Variants in IL15 observed in about 807,000 individuals in gnomAD.
The protein encoded by IL15 is interleukin 15, also known as interleukin-15.
IL15 carries 11 observed loss-of-function variants against 19.6 expected under a neutral mutation model. The ratio of observed to expected loss-of-function variants is 0.56; its 90% CI spans 0.35 to 0.93. The LOEUF (loss-of-function observed/expected upper bound fraction) is 0.93, where lower values mean the gene tolerates loss of function less well. Among genes scored for constraint, IL15 ranks in the 40% least tolerant of loss-of-function variants. The pLI is 0.01. For synonymous variants in IL15, 58 were observed against 59.6 expected (o/e 0.97, Z 0.12); for missense variants, 197 against 186.5 (o/e 1.06, Z -0.33).
At chr4:141,637,533 G>T (rs922055279) in intron 1 of IL15, among the ~76,000 whole-genome samples, 1 of 151,970 alleles carries the variant, frequency 6.6e-6, no homozygotes, top group Non-Finnish European at 1.5e-5. Flanking sequence ...CATTATTCAA[G>T]GTGGCTTTTA....
intron 2 of IL15, among the ~76,000 whole-genome samples, chr4:141,666,317 G>A (rs1579002076): frequency 6.6e-6 from 1 of 151,894 alleles, no homozygotes; most frequent in Admixed American, 6.6e-5. Flanking sequence ...CGAGGCGGTC[G>A]GATCACGAGG....
chr4:141,699,714 T>C (rs1178050672), intron 2 of IL15, among the ~76,000 whole-genome samples: 1 of 152,136 alleles, frequency 6.6e-6, no homozygotes, highest in African/African-American at 2.4e-5. Flanking sequence ...TTTATTTGAG[T>C]CCTTATGTGT....
chr4:141,704,002 CAAACTGGGACAATTT>C (rs1254101440), intron 2 of IL15, among the ~76,000 whole-genome samples: 6 of 152,166 alleles, frequency 3.9e-5, no homozygotes, highest in Non-Finnish European at 7.4e-5. Context: ...TTATCATCTG[CAAACTGGGACAATTT>C]GACTTCCTCC....
intron 4 of IL15, 136 bp downstream of exon 4, chr4:141,720,702 A>G: frequency 3.0e-6 from 2 of 671,652 alleles, no homozygotes; most frequent in South Asian, 1.7e-5. Context: ...GATAGAAGGC[A>G]GACTACAGAG....
chr4:141,708,415 T>C (rs1430207823), intron 2 of IL15, among the ~76,000 whole-genome samples: 2 of 152,162 alleles, frequency 1.3e-5, no homozygotes, highest in African/African-American at 4.8e-5. Context: ...CATTGAGCTC[T>C]ATCATCTTAG....
At chr4:141,670,477 G>GTTT (rs1325325010) in intron 2 of IL15, among the ~76,000 whole-genome samples, 1 of 152,128 alleles carries the variant, frequency 6.6e-6, no homozygotes, top group Non-Finnish European at 1.5e-5. Flanking sequence ...ACAAACTGAA[G>GTTT]AAGTCTCTTA....
intron 2 of IL15, chr4:141,704,747 T>C (rs1227253344): frequency 5.9e-6 from 1 of 168,864 alleles, no homozygotes; most frequent in Non-Finnish European, 1.2e-5. Flanking sequence ...TATTAATTTC[T>C]TTACTCATTA....
At chr4:141,704,448 A>G (rs1729442439) in intron 2 of IL15, among the ~76,000 whole-genome samples, 1 of 152,060 alleles carries the variant, frequency 6.6e-6, no homozygotes, top group African/African-American at 2.4e-5. Flanking sequence ...TCAGTTTGCT[A>G]CTGTCTTGTT....
At chr4:141,660,688 T>G (rs1401002091) in intron 2 of IL15, among the ~76,000 whole-genome samples, 1 of 152,208 alleles carries the variant, frequency 6.6e-6, no homozygotes, top group Non-Finnish European at 1.5e-5. Context: ...AAGTAAACAT[T>G]ATTTTAATGT....
chr4:141,723,526 G>A (rs1730162624), intron 5 of IL15, among the ~76,000 whole-genome samples: 1 of 152,112 alleles, frequency 6.6e-6, no homozygotes, highest in Non-Finnish European at 1.5e-5. Context: ...GAAGGAACAT[G>A]GCCCTACCAA....
intron 4 of IL15, chr4:141,721,427 T>C: frequency 1.6e-6 from 1 of 624,488 alleles, no homozygotes; most frequent in Non-Finnish European, 3.0e-6. Context: ...GCTGCAAGCA[T>C]AGTAAGAGTG....
chr4:141,682,787 T>G (rs1440665483), intron 2 of IL15, among the ~76,000 whole-genome samples: 10 of 151,992 alleles, frequency 6.6e-5, no homozygotes, highest in Admixed American at 3.9e-4. Flanking sequence ...AAACCCGGTC[T>G]CTACTAAAAA....
chr4:141,708,460 T>C lies in IL15; in HGVS notation c.-99-10906T>C, dbSNP rs143538034. On this transcript the variant is annotated intron_variant, in intron 2 of 7. Transcript: ENST00000320650. ...GTGGGAGGTGTTCAAGGTGGGCTCCTACTGTGAGGCAGTGCAGCTGTACAA... is the reference window on the plus strand; with the variant it reads ...GTGGGAGGTGTTCAAGGTGGGCTCCCACTGTGAGGCAGTGCAGCTGTACAA... Among the ~76,000 whole-genome samples, 50 of 152,262 alleles carry C rather than the reference T, an allele frequency of 3.3e-4. No individual in the cohort carries two copies. In the East Asian group the frequency reaches 9.7e-3, roughly 29 times the overall value.
chr4:141,693,265 G>A (rs895710918), intron 2 of IL15, among the ~76,000 whole-genome samples: 3 of 152,018 alleles, frequency 2.0e-5, no homozygotes, highest in Non-Finnish European at 4.4e-5. Flanking sequence ...AACAGCATGA[G>A]GGATACTGCC....
At chr4:141,690,195 G>T (rs1003975337) in intron 2 of IL15, among the ~76,000 whole-genome samples, 1 of 152,192 alleles carries the variant, frequency 6.6e-6, no homozygotes, top group Non-Finnish European at 1.5e-5. Flanking sequence ...ACTCCAGCTG[G>T]CCCGCAAGCG....
intron 2 of IL15, among the ~76,000 whole-genome samples, chr4:141,661,037 T>C (rs562297808): frequency 1.2e-4 from 18 of 152,320 alleles, no homozygotes; most frequent in Admixed American, 1.1e-3. Flanking sequence ...ATGCCAAATG[T>C]AATTCTCTTG....
rs1728157111 is a variant in IL15, at chr4:141,671,016, CAGA to C, written c.-100+14715_-100+14717del. ...CAGTTGTCTTAAATATTTAAAATGG[CAGA>C]AGAAGGAGCAGACTCATTTATCTAT... On this transcript the variant is annotated intron_variant, in intron 2 of 7. Transcript: ENST00000320650. 2.0e-5 allele frequency among the ~76,000 whole-genome samples: 3 copies of C among 152,130 alleles called. No individual in the cohort carries two copies. In the South Asian group the frequency reaches 6.2e-4, roughly 32 times the overall value.
At chr4:141,641,211 C>T (rs1044445569) in intron 1 of IL15, among the ~76,000 whole-genome samples, 1 of 152,224 alleles carries the variant, frequency 6.6e-6, no homozygotes, top group African/African-American at 2.4e-5. Context: ...AAAATAAGTA[C>T]ATAAAACTTG....
chr4:141,704,210 A>G (rs1463309580), intron 2 of IL15, among the ~76,000 whole-genome samples: 1 of 152,186 alleles, frequency 6.6e-6, no homozygotes, highest in Non-Finnish European at 1.5e-5. Context: ...TGACCTACTG[A>G]GATACATTCC....
Sources: gnomAD v4.1 joint callset for allele counts (sites outside exome capture counted in the v4.1 genomes callset) on GRCh38, gnomAD v4.1.1 for gene constraint, MANE v1.5 for transcripts, NCBI Gene and HGNC (gene_info 2026-07-23, HGNC 2026-07-21) for gene names.